FOXO1: variants seen among roughly 807,000 people sequenced by gnomAD.
The protein encoded by FOXO1 is forkhead box protein O1.
A neutral mutation model predicts 44.1 loss-of-function variants in FOXO1; 6 were observed. The ratio of observed to expected loss-of-function variants is 0.14; its 90% CI spans 0.07 to 0.27. The LOEUF (loss-of-function observed/expected upper bound fraction) is 0.27. Ranked by LOEUF, FOXO1 falls within the 10% of genes least tolerant of loss-of-function variation. The probability of loss-of-function intolerance (pLI) is 1.00; values close to 1 mark genes in which losing one functional copy is unlikely to be tolerated. For synonymous variants in FOXO1, 380 were observed against 362.7 expected (o/e 1.05, Z -0.54); for missense variants, 737 against 888.8 (o/e 0.83, Z 2.17).
At chr13:40,595,249 C>T (rs1169201775) in intron 1 of FOXO1, among the ~76,000 whole-genome samples, 1 of 152,198 alleles carries the variant, frequency 6.6e-6, no homozygotes, top group Non-Finnish European at 1.5e-5. Context: ...TTTAAAAGAG[C>T]TTGACACACT....
At chr13:40,606,761 C>T (rs1876016060) in intron 1 of FOXO1, among the ~76,000 whole-genome samples, 1 of 152,122 alleles carries the variant, frequency 6.6e-6, no homozygotes, top group Non-Finnish European at 1.5e-5. Context: ...CCATCTCATG[C>T]CCCTCTGCTG....
chr13:40,665,895 C>T lies in FOXO1; in HGVS notation c.318G>A (p.Leu106=), dbSNP rs1878224212. The T allele has an allele frequency of 1.7e-6, 2 of 1,164,890 alleles. No homozygotes were observed. The highest frequency in any genetic ancestry group is 2.1e-6 in the Non-Finnish European group (2 of 948,114). The allele number at this position is 1,164,890 out of a possible 1,614,324, so 72.2% of individuals were successfully genotyped here. The part of the protein sequence containing the change: ...AAAAAAATGG[L]CGDFQGPEAG... ...CCTCCGGGCCCTGGAAGTCCCCGCACAGCCCCCCGGTGGCGGCCGCGGCGG... is the reference window on the plus strand; with the variant it reads ...CCTCCGGGCCCTGGAAGTCCCCGCATAGCCCCCCGGTGGCGGCCGCGGCGG... Residue 106 remains leucine, a synonymous_variant, in exon 1 of 3, where the codon CTG becomes CTA. Transcript: ENST00000379561.
chr13:40,569,586 G>A, intron 1 of FOXO1, among the ~76,000 whole-genome samples: 1 of 152,140 alleles, frequency 6.6e-6, no homozygotes, highest in East Asian at 1.9e-4. Context: ...TCACAACCGA[G>A]CTGCAATCCG....
At chr13:40,570,294 G>GC (rs1874435114) in intron 1 of FOXO1, among the ~76,000 whole-genome samples, 1 of 151,180 alleles carries the variant, frequency 6.6e-6, no homozygotes, top group Non-Finnish European at 1.5e-5. Context: ...CGGCAACAGA[G>GC]CAAGACTCTG....
At chr13:40,598,502 CA>C (rs555686930) in intron 1 of FOXO1, among the ~76,000 whole-genome samples, 9 of 148,396 alleles carry the variant, frequency 6.1e-5, no homozygotes, top group South Asian at 2.1e-4. Flanking sequence ...TCCACTAGCA[CA>C]AAAAAAAAAT....
intron 2 of FOXO1, 105 bp downstream of exon 2, chr13:40,559,404 G>A: frequency 3.0e-6 from 3 of 1,013,272 alleles, no homozygotes; most frequent in Non-Finnish European, 4.3e-6. Context: ...CTCTGCAAGG[G>A]ACAGTCAGTT....
chr13:40,651,903 C>T (rs1331564217), intron 1 of FOXO1, among the ~76,000 whole-genome samples: 1 of 151,964 alleles, frequency 6.6e-6, no homozygotes, highest in Non-Finnish European at 1.5e-5. Flanking sequence ...AAAATTAAAT[C>T]CTAAAAGGTT....
In FOXO1 at chr13:40,555,722, A is replaced by G. The variant is rs1303763387; in HGVS notation, c.*3327T>C. ...TAGCTTCACAAAAAATTCCTAATAA[A>G]GAGCTTATTCTGCATAATTAGAAAA... On this transcript the variant is annotated 3_prime_UTR_variant, in exon 3 of 3. Coordinates refer to ENST00000379561, the MANE Select transcript of FOXO1 (RefSeq NM_002015.4). 1 of 152,688 alleles carries G rather than the reference A, an allele frequency of 6.5e-6. No individual in the cohort carries two copies. Among genetic ancestry groups the G allele is most frequent in the Non-Finnish European group, 1.5e-5 (1 of 68,058 alleles). The allele number at this position is 152,688 out of a possible 1,614,324, so 9.5% of individuals were successfully genotyped here. A position where few individuals can be genotyped will look rare whatever the true frequency, so the allele number is the denominator to read the frequency against.
chr13:40,628,233 G>A, intron 1 of FOXO1, among the ~76,000 whole-genome samples: 1 of 152,012 alleles, frequency 6.6e-6, no homozygotes, highest in African/African-American at 2.4e-5. Flanking sequence ...TTTTCAGGGT[G>A]ATGAATAATG....
chr13:40,567,675 A>G (rs1342800986), intron 1 of FOXO1, among the ~76,000 whole-genome samples: 2 of 152,168 alleles, frequency 1.3e-5, no homozygotes, highest in African/African-American at 4.8e-5. Flanking sequence ...CAGGTGATAA[A>G]TTTACACAAT....
At chr13:40,623,291 G>A (rs945664411) in intron 1 of FOXO1, among the ~76,000 whole-genome samples, 1 of 152,128 alleles carries the variant, frequency 6.6e-6, no homozygotes, top group Non-Finnish European at 1.5e-5. Flanking sequence ...AGTGACACGG[G>A]GGTCCGTGTG....
chr13:40,561,255 G>A (rs1327318593), intron 1 of FOXO1, among the ~76,000 whole-genome samples: 1 of 151,704 alleles, frequency 6.6e-6, no homozygotes, highest in Non-Finnish European at 1.5e-5. Flanking sequence ...GGGAGGCTGG[G>A]GCAGGAGAAT....
At chr13:40,581,068 A>T (rs1338759826) in intron 1 of FOXO1, among the ~76,000 whole-genome samples, 1 of 152,232 alleles carries the variant, frequency 6.6e-6, no homozygotes, top group African/African-American at 2.4e-5. Context: ...CTACAAAAGG[A>T]AATGAAATGC....
intron 1 of FOXO1, among the ~76,000 whole-genome samples, chr13:40,593,473 T>C (rs1245484165): frequency 6.6e-6 from 1 of 152,226 alleles, no homozygotes; most frequent in Non-Finnish European, 1.5e-5. Context: ...TGTCACTGTC[T>C]TCTTCCTAGG....
rs184993576 is a variant in FOXO1 at position 40,661,258 on chromosome 13, T to C, written c.630+4325A>G. 2.1e-4 allele frequency among the ~76,000 whole-genome samples: 32 copies of C among 152,178 alleles called. No homozygotes were observed. In the East Asian group the frequency reaches 5.2e-3, roughly 25 times the overall value. Reference sequence around the variant, plus strand: ...TCATTATCGCTTCCCCAAGTACATATACAGGATTATCAAGGCTTTCTTCTT... The same window carrying C: ...TCATTATCGCTTCCCCAAGTACATACACAGGATTATCAAGGCTTTCTTCTT... On this transcript the variant is annotated intron_variant, in intron 1 of 2. Transcript: ENST00000379561.
intron 1 of FOXO1, among the ~76,000 whole-genome samples, chr13:40,641,699 T>G (rs943769203): frequency 4.6e-5 from 7 of 152,104 alleles, no homozygotes; most frequent in Non-Finnish European, 1.0e-4. Flanking sequence ...AAAAACCCAC[T>G]GACAGCTGGG....
intron 1 of FOXO1, among the ~76,000 whole-genome samples, chr13:40,586,040 T>A (rs1875151953): frequency 6.6e-6 from 1 of 152,164 alleles, no homozygotes; most frequent in South Asian, 2.1e-4. Context: ...TCTACCTGTT[T>A]CCCCTAACTT....
intron 1 of FOXO1, among the ~76,000 whole-genome samples, chr13:40,631,431 A>G (rs966509993): frequency 1.3e-5 from 2 of 152,178 alleles, no homozygotes; most frequent in Admixed American, 6.5e-5. Context: ...CAAAAGCACA[A>G]GCTACAAAAG....
intron 1 of FOXO1, among the ~76,000 whole-genome samples, chr13:40,609,300 G>T (rs1876140026): frequency 6.6e-6 from 1 of 151,996 alleles, no homozygotes; most frequent in Non-Finnish European, 1.5e-5. Context: ...CCATGACAAG[G>T]TTAATTTGTT....
Sources: gnomAD v4.1 joint callset for allele counts (sites outside exome capture counted in the v4.1 genomes callset) on GRCh38, gnomAD v4.1.1 for gene constraint, MANE v1.5 for transcripts, NCBI Gene and HGNC (gene_info 2026-07-23, HGNC 2026-07-21) for gene names.